Variants in POU6F2 observed in about 807,000 individuals in gnomAD.
The protein encoded by POU6F2 is POU class 6 homeobox 2, also known as POU domain, class 6, transcription factor 2.
In POU6F2, 31 loss-of-function variants were observed where a neutral mutation model predicts 71.3. The observed-to-expected ratio is 0.43, with a 90% CI of 0.33 to 0.59. The LOEUF (loss-of-function observed/expected upper bound fraction) is 0.59. Ranked by LOEUF, POU6F2 falls within the 20% of genes least tolerant of loss-of-function variation. The probability of loss-of-function intolerance (pLI) is 0.04; values close to 1 mark genes in which losing one functional copy is unlikely to be tolerated. For missense variants in POU6F2, 783 were observed against 856.8 expected, an observed-to-expected ratio of 0.91 and a Z score of 1.07; for synonymous variants, 347 against 355.7, an observed-to-expected ratio of 0.98 and a Z score of 0.27.
At chr7:39,119,476 G>A (rs1420279187) in intron 2 of POU6F2, among the ~76,000 whole-genome samples, 3 of 152,140 alleles carry the variant, frequency 2.0e-5, no homozygotes, top group African/African-American at 7.2e-5. Context: ...TTGGGAGAGA[G>A]TCAAATGGAA....
intron 6 of POU6F2, among the ~76,000 whole-genome samples, chr7:39,418,282 T>A (rs1787729433): frequency 6.6e-6 from 1 of 152,246 alleles, no homozygotes; most frequent in Non-Finnish European, 1.5e-5. Context: ...GTATTTCATA[T>A]ATGCTAATAT....
At chr7:39,085,161 T>G (rs1333103857) in intron 1 of POU6F2, 1 of 152,204 alleles carries the variant, frequency 6.6e-6, no homozygotes, top group African/African-American at 2.4e-5. Flanking sequence ...TAAAAAAAAT[T>G]TAAATCAATT....
At chr7:39,428,953 AG>A (rs1219928515) in intron 6 of POU6F2, among the ~76,000 whole-genome samples, 2 of 103,636 alleles carry the variant, frequency 1.9e-5, no homozygotes, top group Admixed American at 3.1e-4. Context: ...ATCACACACC[AG>A]GGCCTGTCGT....
chr7:39,011,758 T>A (rs1448965567), intron 1 of POU6F2, among the ~76,000 whole-genome samples: 2 of 148,060 alleles, frequency 1.4e-5, no homozygotes, highest in African/African-American at 5.0e-5. Flanking sequence ...GTCTGTAAAG[T>A]ATTTTATTTC....
chr7:38,989,652 T>C (rs1482895721), intron 1 of POU6F2, among the ~76,000 whole-genome samples: 2 of 152,138 alleles, frequency 1.3e-5, no homozygotes, highest in Non-Finnish European at 2.9e-5. Context: ...AAGTATTCTT[T>C]AACTCTCATT....
chr7:39,298,989 C>T (rs1784903429), intron 4 of POU6F2, among the ~76,000 whole-genome samples: 1 of 151,928 alleles, frequency 6.6e-6, no homozygotes, highest in Admixed American at 6.6e-5. Context: ...GGGAACAACA[C>T]ACACCAGGGC....
Position 39,339,993 on chromosome 7 carries a change from T to C in POU6F2, c.950T>C (p.Leu317Pro). The part of the protein sequence containing the change: ...QSPGHGLPSP[L>P]TPPNPLQLVN... ...CCAGGACATGGCCTGCCTTCACCGC[T>C]CACGCCACCCAATCCTCTACAGGTA... Residue 317 changes from leucine (L) to proline (P), a missense_variant, in exon 5 of 10, where the codon CTC (leucine) becomes CCC (proline). Leu to Pro is a moderately conservative substitution (Grantham distance 98, BLOSUM62 -3). Coordinates refer to ENST00000518318, the MANE Select transcript of POU6F2 (RefSeq NM_001370959.1). 6.2e-7 allele frequency: 1 copy of C among 1,611,810 alleles called. No individual in the cohort carries two copies. The highest frequency in any genetic ancestry group is 1.7e-5 in the Admixed American group (1 of 59,954).
At chr7:39,257,547 A>G (rs914540084) in intron 4 of POU6F2, among the ~76,000 whole-genome samples, 5 of 152,088 alleles carry the variant, frequency 3.3e-5, no homozygotes, top group African/African-American at 7.2e-5. Flanking sequence ...TACACCCACA[A>G]ACCAGCTCAG....
chr7:39,030,570 C>T (rs1209152208), intron 1 of POU6F2, among the ~76,000 whole-genome samples: 2 of 110,798 alleles, frequency 1.8e-5, no homozygotes, highest in Non-Finnish European at 3.6e-5. Context: ...ATTCCATTGC[C>T]CGGATGTGTA....
intron 4 of POU6F2, among the ~76,000 whole-genome samples, chr7:39,216,308 G>A (rs1339082032): frequency 6.6e-6 from 1 of 152,088 alleles, no homozygotes; most frequent in African/African-American, 2.4e-5. Flanking sequence ...TAGATCACAT[G>A]GTCTATTCAT....
At chr7:39,323,753 TAGTTA>T (rs1785448015) in intron 4 of POU6F2, among the ~76,000 whole-genome samples, 1 of 151,198 alleles carries the variant, frequency 6.6e-6, no homozygotes, top group Non-Finnish European at 1.5e-5. Flanking sequence ...TTGATAACAT[TAGTTA>T]ATTTAATAAA....
chr7:39,406,350 C>T (rs1442807030), intron 5 of POU6F2: 4 of 495,140 alleles, frequency 8.1e-6, no homozygotes, highest in South Asian at 2.5e-5. Flanking sequence ...AGTTCAGGCT[C>T]GTTCCCTCCT....
chr7:39,011,648 G>T (rs1229138227), intron 1 of POU6F2, among the ~76,000 whole-genome samples: 6 of 150,080 alleles, frequency 4.0e-5, no homozygotes, highest in African/African-American at 1.5e-4. Context: ...GCATGATTTT[G>T]CAGCGGCTGG....
intron 6 of POU6F2, among the ~76,000 whole-genome samples, chr7:39,431,030 A>G (rs1176077887): frequency 1.3e-5 from 2 of 152,200 alleles, no homozygotes; most frequent in Non-Finnish European, 2.9e-5. Flanking sequence ...GTTTAATGCA[A>G]GACCACTCAT....
intron 7 of POU6F2, among the ~76,000 whole-genome samples, chr7:39,441,953 A>T (rs1263344025): frequency 6.6e-6 from 1 of 152,212 alleles, no homozygotes; most frequent in Non-Finnish European, 1.5e-5. Flanking sequence ...ATAAAATATA[A>T]AGAGAAGGGA....
intron 6 of POU6F2, among the ~76,000 whole-genome samples, chr7:39,418,709 GA>G: frequency 6.7e-6 from 1 of 150,216 alleles, no homozygotes; most frequent in South Asian, 2.1e-4. Context: ...AAAAGAAAAA[GA>G]AAGAAAAGTT....
chr7:38,980,405 A>T (rs754379726), intron 1 of POU6F2, among the ~76,000 whole-genome samples: 13 of 152,224 alleles, frequency 8.5e-5, no homozygotes, highest in African/African-American at 1.4e-4. Context: ...TATTGAAACC[A>T]TATCTAGAAA....
chr7:39,312,475 C>G (rs932647491), intron 4 of POU6F2, among the ~76,000 whole-genome samples: 12 of 152,154 alleles, frequency 7.9e-5, no homozygotes, highest in Non-Finnish European at 1.2e-4. Context: ...TGCACAAAGC[C>G]AAGCAGTCAC....
At chr7:39,135,556 A>G (rs1419852115) in intron 2 of POU6F2, among the ~76,000 whole-genome samples, 1 of 152,182 alleles carries the variant, frequency 6.6e-6, no homozygotes, top group Non-Finnish European at 1.5e-5. Context: ...AAGCCTACTA[A>G]TTTAAAAAAT....
Sources: gnomAD v4.1 joint callset for allele counts (sites outside exome capture counted in the v4.1 genomes callset) on GRCh38, gnomAD v4.1.1 for gene constraint, MANE v1.5 for transcripts, NCBI Gene and HGNC (gene_info 2026-07-23, HGNC 2026-07-21) for gene names.